BBS9: variants seen among roughly 807,000 people sequenced by gnomAD.
BBS9 encodes the protein Bardet-Biedl syndrome 9.
A neutral mutation model predicts 117.7 loss-of-function variants in BBS9; 89 were observed. The ratio of observed to expected loss-of-function variants is 0.76; its 90% CI spans 0.64 to 0.90. BBS9 has a LOEUF of 0.90. Ranked by LOEUF, BBS9 falls within the 40% of genes least tolerant of loss-of-function variation. BBS9 has a pLI of 0.00. For missense variants in BBS9, 982 were observed against 1,042.2 expected (o/e 0.94, Z 0.80); for synonymous variants, 379 against 370.9 (o/e 1.02, Z -0.25).
intron 21 of BBS9, among the ~76,000 whole-genome samples, chr7:33,554,207 G>A (rs1442115525): frequency 2.6e-5 from 4 of 152,114 alleles, no homozygotes; most frequent in Non-Finnish European, 5.9e-5. Flanking sequence ...TTAGATGATA[G>A]TGATCCTATG....
intron 17 of BBS9, among the ~76,000 whole-genome samples, chr7:33,373,248 C>G (rs1420601072): frequency 1.3e-5 from 2 of 152,062 alleles, no homozygotes; most frequent in African/African-American, 4.8e-5. Flanking sequence ...ACAAGTTACT[C>G]AAGATATGAA....
chr7:33,442,448 A>T (rs1488629261), intron 19 of BBS9, among the ~76,000 whole-genome samples: 1 of 152,228 alleles, frequency 6.6e-6, no homozygotes, highest in Admixed American at 6.5e-5. Context: ...TCAAGAAAGT[A>T]TCAGTGGCAT....
intron 3 of BBS9, among the ~76,000 whole-genome samples, chr7:33,153,729 T>C (rs1231964067): frequency 1.3e-5 from 2 of 152,194 alleles, no homozygotes; most frequent in African/African-American, 4.8e-5. Context: ...TTTATTCTGT[T>C]GGGAAGCTGT....
At chr7:33,173,120 A>G (rs1355943298) in intron 4 of BBS9, among the ~76,000 whole-genome samples, 1 of 152,202 alleles carries the variant, frequency 6.6e-6, no homozygotes, top group African/African-American at 2.4e-5. Flanking sequence ...AGTGGAGCCC[A>G]TTAAGGAATA....
chr7:33,169,945 G>A (rs1466249632), intron 4 of BBS9, among the ~76,000 whole-genome samples: 1 of 151,996 alleles, frequency 6.6e-6, no homozygotes, highest in African/African-American at 2.4e-5. Context: ...ATGGTTTTAG[G>A]TCTAACGTTT....
intron 5 of BBS9, among the ~76,000 whole-genome samples, chr7:33,196,471 T>C (rs903016967): frequency 6.6e-6 from 1 of 152,200 alleles, no homozygotes; most frequent in Non-Finnish European, 1.5e-5. Context: ...TTGCTTTTTT[T>C]GTGTGGGGGT....
intron 19 of BBS9, among the ~76,000 whole-genome samples, chr7:33,457,035 A>G (rs1161491826): frequency 6.6e-6 from 1 of 152,214 alleles, no homozygotes; most frequent in African/African-American, 2.4e-5. Flanking sequence ...GAAAATGTCT[A>G]CTTGGCCCCT....
At chr7:33,550,909 A>G (rs1285681279) in intron 21 of BBS9, among the ~76,000 whole-genome samples, 2 of 152,144 alleles carry the variant, frequency 1.3e-5, no homozygotes, top group Non-Finnish European at 2.9e-5. Flanking sequence ...TCTTTTAGAA[A>G]TGCTTAATTT....
intron 5 of BBS9, among the ~76,000 whole-genome samples, chr7:33,197,794 T>C (rs902664889): frequency 6.6e-6 from 1 of 151,994 alleles, no homozygotes. Context: ...GATTTTTAAA[T>C]TATACTGTTA....
intron 17 of BBS9, chr7:33,380,455 A>G (rs1406284120): frequency 1.3e-5 from 2 of 153,512 alleles, no homozygotes; most frequent in African/African-American, 4.8e-5. Context: ...ACCTTGGACA[A>G]GACCTGTTCC....
chr7:33,366,852 C>T (rs1203370937), intron 16 of BBS9, among the ~76,000 whole-genome samples: 2 of 152,072 alleles, frequency 1.3e-5, no homozygotes, highest in Admixed American at 1.3e-4. Context: ...CCTAATATTT[C>T]TTTTCTCTGT....
intron 18 of BBS9, among the ~76,000 whole-genome samples, chr7:33,384,177 A>G (rs1463999209): frequency 6.6e-6 from 1 of 152,250 alleles, no homozygotes; most frequent in Admixed American, 6.5e-5. Context: ...TAATTCTAGC[A>G]GGCCATAAAT....
intron 7 of BBS9, among the ~76,000 whole-genome samples, chr7:33,268,700 A>G (rs921138624): frequency 3.3e-5 from 5 of 152,066 alleles, no homozygotes; most frequent in African/African-American, 7.2e-5. Context: ...ATTAATTCAG[A>G]ATGTAGTGTA....
At chr7:33,367,413 CTT>C (rs1821987658) in intron 16 of BBS9, among the ~76,000 whole-genome samples, 2 of 152,150 alleles carry the variant, frequency 1.3e-5, no homozygotes, top group Admixed American at 1.3e-4. Context: ...GTAGTAGTCT[CTT>C]TAAGCTGGCT....
chr7:33,547,998 C>A (rs1054392667), intron 21 of BBS9, among the ~76,000 whole-genome samples: 1 of 151,804 alleles, frequency 6.6e-6, no homozygotes, highest in Non-Finnish European at 1.5e-5. Context: ...CCATCAAAGA[C>A]CTCATAGAAT....
chr7:33,362,067 C>A (rs990913661), intron 16 of BBS9, among the ~76,000 whole-genome samples: 1 of 152,154 alleles, frequency 6.6e-6, no homozygotes, highest in African/African-American at 2.4e-5. Flanking sequence ...TCCCAAGCAA[C>A]CACTGATCTG....
At chr7:33,632,105 T>A (rs1865917418) in intron 21 of BBS9, among the ~76,000 whole-genome samples, 1 of 152,182 alleles carries the variant, frequency 6.6e-6, no homozygotes, top group Non-Finnish European at 1.5e-5. Context: ...TAATGGAATA[T>A]GGCATAAGGA....
At chr7:33,322,356 C>CTTTTT (rs35411730) in intron 9 of BBS9, among the ~76,000 whole-genome samples, 80 of 74,122 alleles carry the variant, frequency 1.1e-3, no homozygotes, top group Middle Eastern at 9.6e-3. Context: ...GGGTCTCAGG[C>CTTTTT]TTTTTTTTTT....
intron 5 of BBS9, among the ~76,000 whole-genome samples, chr7:33,199,387 G>A (rs947378060): frequency 6.6e-6 from 1 of 151,894 alleles, no homozygotes; most frequent in Admixed American, 6.6e-5. Flanking sequence ...CATATTTCCT[G>A]TAAATTTCCC....
Sources: gnomAD v4.1 joint callset for allele counts (sites outside exome capture counted in the v4.1 genomes callset) on GRCh38, gnomAD v4.1.1 for gene constraint, MANE v1.5 for transcripts, NCBI Gene and HGNC (gene_info 2026-07-23, HGNC 2026-07-21) for gene names.